CLVS1: variants seen among roughly 807,000 people sequenced by gnomAD.
The protein encoded by CLVS1 is clavesin-1.
Under a neutral mutation model 33.1 loss-of-function variants are expected in CLVS1, and 10 were observed. The ratio of observed to expected loss-of-function variants is 0.30; its 90% CI spans 0.19 to 0.51. The LOEUF (loss-of-function observed/expected upper bound fraction) is 0.51. Ranked by LOEUF, CLVS1 falls within the 20% of genes least tolerant of loss-of-function variation. The pLI is 0.97. For synonymous variants in CLVS1, 163 were observed against 166.1 expected (o/e 0.98, Z 0.14); for missense variants, 343 against 433.4 (o/e 0.79, Z 1.85).
the CLVS1 span, among the ~76,000 whole-genome samples, chr8:61,012,510 C>T: frequency 6.6e-6 from 1 of 152,140 alleles, no homozygotes; most frequent in Non-Finnish European, 1.5e-5. Flanking sequence ...GGGCTTTGAA[C>T]CTGGATCTTC....
intron 2 of CLVS1, among the ~76,000 whole-genome samples, chr8:61,360,263 C>G (rs1221371237): frequency 6.6e-6 from 1 of 152,140 alleles, no homozygotes; most frequent in East Asian, 1.9e-4. Flanking sequence ...TTCTAATCAC[C>G]TTTAAAAAAC....
At chr8:61,314,044 T>C (rs1053021214) in intron 2 of CLVS1, among the ~76,000 whole-genome samples, 1 of 152,156 alleles carries the variant, frequency 6.6e-6, no homozygotes, top group Non-Finnish European at 1.5e-5. Flanking sequence ...AACTCACAAA[T>C]TTTATATTCT....
intron 5 of CLVS1, among the ~76,000 whole-genome samples, chr8:61,473,401 A>G (rs1402279431): frequency 6.6e-6 from 1 of 152,024 alleles, no homozygotes; most frequent in South Asian, 2.1e-4. Flanking sequence ...CGAGGGGGAA[A>G]ATGACGGGGG....
At chr8:60,974,830 G>T in the CLVS1 span, among the ~76,000 whole-genome samples, 1 of 152,054 alleles carries the variant, frequency 6.6e-6, no homozygotes, top group Non-Finnish European at 1.5e-5. Context: ...TTGAAAGAGT[G>T]AATATTTTAT....
At chr8:61,386,423 G>A (rs1814086710) in intron 3 of CLVS1, among the ~76,000 whole-genome samples, 1 of 152,150 alleles carries the variant, frequency 6.6e-6, no homozygotes, top group African/African-American at 2.4e-5. Context: ...TGGGAAATAG[G>A]TTTGCTCTCA....
chr8:61,254,978 C>T (rs1034161716), intron 2 of CLVS1, among the ~76,000 whole-genome samples: 2 of 152,204 alleles, frequency 1.3e-5, no homozygotes, highest in East Asian at 1.9e-4. Flanking sequence ...ATGCAGAAAT[C>T]ATTCGTCTTC....
chr8:61,210,634 C>A (rs1367953701), intron 2 of CLVS1, among the ~76,000 whole-genome samples: 2 of 152,154 alleles, frequency 1.3e-5, no homozygotes, highest in African/African-American at 2.4e-5. Flanking sequence ...ACCTTGTGAG[C>A]TTGGAAGAGA....
At chr8:61,233,693 C>G (rs1034976251) in intron 2 of CLVS1, among the ~76,000 whole-genome samples, 8 of 152,246 alleles carry the variant, frequency 5.3e-5, no homozygotes, top group Non-Finnish European at 8.8e-5. Context: ...GCCAGGTCTC[C>G]TCTCCTGCAG....
chr8:60,980,897 A>ACC, the CLVS1 span, among the ~76,000 whole-genome samples: 12 of 151,196 alleles, frequency 7.9e-5, no homozygotes, highest in Non-Finnish European at 1.3e-4. Context: ...TCAAGAAAGC[A>ACC]CCCTCATAAG....
chr8:61,223,029 G>A (rs899218504), intron 2 of CLVS1, among the ~76,000 whole-genome samples: 1 of 143,284 alleles, frequency 7.0e-6, no homozygotes, highest in Non-Finnish European at 1.5e-5. Context: ...CCATTTCTTT[G>A]GTAAGTTTTC....
chr8:61,393,300 C>G (rs1308874340), intron 3 of CLVS1, among the ~76,000 whole-genome samples: 1 of 151,820 alleles, frequency 6.6e-6, no homozygotes, highest in Non-Finnish European at 1.5e-5. Flanking sequence ...TTTTTTCATT[C>G]ATATCCTGTA....
chr8:61,485,246 A>G (rs1803832115), intron 5 of CLVS1, among the ~76,000 whole-genome samples: 1 of 152,218 alleles, frequency 6.6e-6, no homozygotes, highest in African/African-American at 2.4e-5. Flanking sequence ...ACAAATTTAC[A>G]AGAAAAAAAC....
At chr8:61,460,275 T>C (rs562615500) in intron 5 of CLVS1, among the ~76,000 whole-genome samples, 21 of 152,328 alleles carry the variant, frequency 1.4e-4, no homozygotes, top group Admixed American at 4.6e-4. Flanking sequence ...TCAGTTCATA[T>C]ATGTGTGTAT....
intron 2 of CLVS1, among the ~76,000 whole-genome samples, chr8:61,354,021 C>T (rs56079904): frequency 0.37 from 55,581 of 151,664 alleles, 12,361 homozygotes; most frequent in East Asian, 0.64. Flanking sequence ...AACTACACAA[C>T]GTGAAAACTC....
intron 3 of CLVS1, among the ~76,000 whole-genome samples, chr8:61,447,993 C>G (rs548922387): frequency 6.6e-6 from 1 of 152,162 alleles, no homozygotes; most frequent in East Asian, 1.9e-4. Context: ...TTCTTGATTT[C>G]TCTTGATTCT....
At chr8:61,474,280 G>C (rs1179573900) in intron 5 of CLVS1, among the ~76,000 whole-genome samples, 1 of 152,170 alleles carries the variant, frequency 6.6e-6, no homozygotes, top group East Asian at 1.9e-4. Flanking sequence ...AGCCAAGTAA[G>C]GTGAAGATTT....
the CLVS1 span, among the ~76,000 whole-genome samples, chr8:61,051,691 G>A: frequency 6.6e-6 from 1 of 152,280 alleles, no homozygotes; most frequent in Admixed American, 6.5e-5. Flanking sequence ...CTGACTGGGT[G>A]TCTTTCTTGG....
At chr8:61,007,408 T>C in the CLVS1 span, among the ~76,000 whole-genome samples, 1 of 152,190 alleles carries the variant, frequency 6.6e-6, no homozygotes. Flanking sequence ...TTTGGCTATT[T>C]GTAGTATTTT....
intron 2 of CLVS1, among the ~76,000 whole-genome samples, chr8:61,282,669 A>G (rs549484907): frequency 6.6e-6 from 1 of 152,318 alleles, no homozygotes; most frequent in East Asian, 1.9e-4. Context: ...TTGCTTGAAA[A>G]GTTCTTGCAG....
Sources: allele counts gnomAD v4.1 joint callset (sites outside exome capture counted in the v4.1 genomes callset), GRCh38; gene constraint gnomAD v4.1.1; transcripts MANE v1.5; gene names NCBI Gene and HGNC (gene_info 2026-07-23, HGNC 2026-07-21).